The following ACOXL variants were observed in gnomAD, a reference collection of about 807,000 sequenced individuals.
ACOXL encodes acyl-coenzyme A oxidase-like protein.
Under a neutral mutation model 71.9 loss-of-function variants are expected in ACOXL, and 70 were observed. That is an observed-to-expected ratio of 0.97 (90% CI 0.80 to 1.19). The LOEUF (loss-of-function observed/expected upper bound fraction) is 1.19, where lower values mean the gene tolerates loss of function less well. Among genes scored for constraint, ACOXL ranks in the 50% most tolerant of loss-of-function variants. The pLI, the probability that ACOXL is intolerant of heterozygous loss-of-function variation, is 0.00. For missense variants in ACOXL, 703 were observed against 736.3 expected, an observed-to-expected ratio of 0.95 and a Z score of 0.52; for synonymous variants, 253 against 281.6, an observed-to-expected ratio of 0.90 and a Z score of 1.02.
At chr2:110,735,128 A>G (rs566097235) in intron 1 of ACOXL, among the ~76,000 whole-genome samples, 1 of 152,350 alleles carries the variant, frequency 6.6e-6, no homozygotes, top group South Asian at 2.1e-4. Context: ...GGCATGAACA[A>G]CATTTCATAT....
At chr2:110,930,049 A>T (rs1574164601) in intron 11 of ACOXL, among the ~76,000 whole-genome samples, 1 of 152,210 alleles carries the variant, frequency 6.6e-6, no homozygotes, top group African/African-American at 2.4e-5. Flanking sequence ...GGTACTGCCT[A>T]GTAGAGCTGT....
At chr2:110,766,020 T>C (rs1328688964) in intron 1 of ACOXL, among the ~76,000 whole-genome samples, 2 of 152,246 alleles carry the variant, frequency 1.3e-5, no homozygotes, top group Non-Finnish European at 2.9e-5. Flanking sequence ...ACTTCTTTGA[T>C]ACAATTTTCT....
intron 16 of ACOXL, among the ~76,000 whole-genome samples, chr2:111,060,028 G>T (rs958794947): frequency 3.9e-5 from 6 of 152,260 alleles, no homozygotes; most frequent in African/African-American, 1.4e-4. Context: ...CCCATGCCAG[G>T]AAAGGCCCAG....
chr2:110,864,194 T>C (rs1308815952), intron 10 of ACOXL, among the ~76,000 whole-genome samples: 1 of 152,204 alleles, frequency 6.6e-6, no homozygotes, highest in Non-Finnish European at 1.5e-5. Context: ...TTGGTGACTT[T>C]GGTCAAATCT....
chr2:110,762,199 T>C (rs897287915), intron 1 of ACOXL, among the ~76,000 whole-genome samples: 2 of 152,226 alleles, frequency 1.3e-5, no homozygotes, highest in East Asian at 3.8e-4. Flanking sequence ...GGCTTAACTT[T>C]TTGCATCTTT....
At chr2:110,752,675 G>C (rs1285468251) in intron 1 of ACOXL, among the ~76,000 whole-genome samples, 1 of 151,766 alleles carries the variant, frequency 6.6e-6, no homozygotes, top group East Asian at 1.9e-4. Flanking sequence ...TTGTTGCATT[G>C]TATGTTGCTA....
At chr2:110,753,851 T>C (rs1679320218) in intron 1 of ACOXL, among the ~76,000 whole-genome samples, 1 of 152,220 alleles carries the variant, frequency 6.6e-6, no homozygotes, top group African/African-American at 2.4e-5. Flanking sequence ...ATGACAGTTA[T>C]AATTGCTCCA....
intron 14 of ACOXL, among the ~76,000 whole-genome samples, chr2:111,016,259 G>T (rs770601099): frequency 8.5e-5 from 13 of 152,086 alleles, no homozygotes; most frequent in Non-Finnish European, 1.6e-4. Flanking sequence ...TGGTGATCTG[G>T]TGATCACAGT....
At position 110,750,672 on chromosome 2, in the gene ACOXL, GGT is replaced by G. The variant is rs374223711; in HGVS notation, c.-22-17685_-22-17684del. Reference sequence around the variant, plus strand: ...ATATATTTGTGTGTGTATGTGTATGGGTGTGTGTGTGTATATATATATATATG... The same window carrying G: ...ATATATTTGTGTGTGTATGTGTATGGGTGTGTGTGTATATATATATATATG... On this transcript the variant is annotated intron_variant, in intron 1 of 17. Coordinates refer to ENST00000439055, the MANE Select transcript of ACOXL (RefSeq NM_001142807.4). Among the ~76,000 whole-genome samples, 160 of 147,942 alleles carry G rather than the reference GGT, an allele frequency of 1.1e-3. 2 individuals are homozygous for G. Among genetic ancestry groups the G allele is most frequent in the African/African-American group, 3.7e-3 (151 of 40,536 alleles).
At chr2:110,969,551 C>T (rs2062084993) in intron 12 of ACOXL, among the ~76,000 whole-genome samples, 1 of 152,120 alleles carries the variant, frequency 6.6e-6, no homozygotes, top group African/African-American at 2.4e-5. Flanking sequence ...TGGCTCACAC[C>T]TCTAATCCCA....
intron 15 of ACOXL, among the ~76,000 whole-genome samples, chr2:111,032,263 T>C (rs2065311457): frequency 6.6e-6 from 1 of 152,156 alleles, no homozygotes; most frequent in African/African-American, 2.4e-5. Context: ...TTTTTGGTTG[T>C]CACACTGAGA....
intron 1 of ACOXL, among the ~76,000 whole-genome samples, chr2:110,735,980 C>T (rs1676785766): frequency 2.6e-5 from 4 of 152,042 alleles, no homozygotes; most frequent in Admixed American, 2.6e-4. Context: ...TCAGGGCCTT[C>T]TCACACCCTT....
At chr2:110,846,867 A>G (rs1559338700) in intron 10 of ACOXL, among the ~76,000 whole-genome samples, 1 of 152,112 alleles carries the variant, frequency 6.6e-6, no homozygotes, top group Non-Finnish European at 1.5e-5. Context: ...CAGAGAAAGA[A>G]TCATCATATT....
At position 110,938,691 on chromosome 2, in the gene ACOXL, G is replaced by T. The variant is rs532363216; in HGVS notation, c.1059+5049G>T. 4.6e-5 allele frequency among the ~76,000 whole-genome samples: 7 copies of T among 152,184 alleles called. No individual in the cohort carries two copies. The East Asian group carries it at 1.4e-3, about 29-fold the overall frequency. On this transcript the variant is annotated intron_variant, in intron 12 of 17. Coordinates refer to ENST00000439055, the MANE Select transcript of ACOXL (RefSeq NM_001142807.4). ...GTGCACAGACATTGAATGAATGAAT[G>T]AATGAATGAACGAATAAATGAATGA...
At chr2:111,070,921 A>T (rs1031550252) in intron 16 of ACOXL, among the ~76,000 whole-genome samples, 4 of 152,102 alleles carry the variant, frequency 2.6e-5, no homozygotes, top group Non-Finnish European at 4.4e-5. Flanking sequence ...CCTAACTGTG[A>T]TACTCAGCTC....
rs915340895 is a variant in ACOXL at position 111,118,504 on chromosome 2, A to C, written c.*688A>C. On this transcript the variant is annotated 3_prime_UTR_variant, in exon 18 of 18. Transcript: ENST00000439055. ...CTGACGCTGTAGTCTGTCCTTTAGA[A>C]GAGAATAGGTGAAAAGTTTAATAAA... Among the ~76,000 whole-genome samples, 2 of 152,226 alleles carry C rather than the reference A, an allele frequency of 1.3e-5. No individual in the cohort carries two copies. Among genetic ancestry groups the C allele is most frequent in the African/African-American group, 4.8e-5 (2 of 41,464 alleles).
intron 9 of ACOXL, 90 bp from the exon 10 acceptor site, chr2:110,841,281 C>A: frequency 1.1e-6 from 1 of 907,332 alleles, no homozygotes; most frequent in East Asian, 2.6e-5. Context: ...ATCTTTAAAA[C>A]GTAATTGGCC....
chr2:110,805,443 C>T (rs371550981), intron 9 of ACOXL, 48 bp downstream of exon 9: 62 of 1,611,402 alleles, frequency 3.8e-5, no homozygotes, highest in African/African-American at 2.1e-4. Flanking sequence ...AATTCTCTCA[C>T]GACTCAGGGA....
In ACOXL at chr2:110,963,587, G is replaced by GTT; in HGVS notation, c.1060-23520_1060-23519insTT. On this transcript the variant is annotated intron_variant, in intron 12 of 17. Coordinates refer to ENST00000439055, the MANE Select transcript of ACOXL (RefSeq NM_001142807.4). ...GAAATGTGTGTGTGTGTGTGTGTGTGTGTGTGTGTGTGTGTGTTTTTCTCT... is the reference window on the plus strand; with the variant it reads ...GAAATGTGTGTGTGTGTGTGTGTGTGTTTGTGTGTGTGTGTGTGTTTTTCTCT... 3 of 1,426,150 alleles carry GTT rather than the reference G, an allele frequency of 2.1e-6. No homozygotes were observed. In the South Asian group the frequency reaches 3.8e-5, roughly 18 times the overall value. 88.3% of individuals were successfully genotyped at this position (1,426,150 alleles called of 1,614,324 possible).
Sources: allele counts gnomAD v4.1 joint callset (sites outside exome capture counted in the v4.1 genomes callset), GRCh38; gene constraint gnomAD v4.1.1; transcripts MANE v1.5; gene names NCBI Gene and HGNC (gene_info 2026-07-23, HGNC 2026-07-21).